Variants in ARHGEF4 observed in about 807,000 individuals in gnomAD.
The protein encoded by ARHGEF4 is Rho guanine nucleotide exchange factor 4.
Under a neutral mutation model 162.0 loss-of-function variants are expected in ARHGEF4, and 119 were observed. That is an observed-to-expected ratio of 0.73 (90% CI 0.63 to 0.86). ARHGEF4 has a LOEUF of 0.86. Among genes scored for constraint, ARHGEF4 ranks in the 40% least tolerant of loss-of-function variants. The pLI is 0.00. For synonymous variants in ARHGEF4, 1,014 were observed against 979.9 expected, an observed-to-expected ratio of 1.03 and a Z score of -0.65; for missense variants, 2,488 against 2,456.0, an observed-to-expected ratio of 1.01 and a Z score of -0.28.
chr2:130,848,233 G>A (rs554005105), intron 1 of ARHGEF4, among the ~76,000 whole-genome samples: 11 of 152,232 alleles, frequency 7.2e-5, no homozygotes, highest in East Asian at 5.8e-4. Flanking sequence ...GGCTGCTCCC[G>A]CCCACCCTGT....
At chr2:130,998,204 T>C (rs1022610048) in intron 4 of ARHGEF4, among the ~76,000 whole-genome samples, 1 of 152,234 alleles carries the variant, frequency 6.6e-6, no homozygotes, top group Non-Finnish European at 1.5e-5. Flanking sequence ...ATGTGTAAAA[T>C]TGTGCTATCA....
At chr2:130,991,251 C>T (rs990080503) in intron 4 of ARHGEF4, among the ~76,000 whole-genome samples, 2 of 152,232 alleles carry the variant, frequency 1.3e-5, no homozygotes, top group African/African-American at 2.4e-5. Flanking sequence ...CGAAAACCTG[C>T]TTATTAGCAG....
chr2:130,943,390 CTTAA>C (rs1338561621), intron 3 of ARHGEF4, among the ~76,000 whole-genome samples: 1 of 151,872 alleles, frequency 6.6e-6, no homozygotes, highest in Non-Finnish European at 1.5e-5. Flanking sequence ...ATGTTCTTTC[CTTAA>C]TTATTTTAAT....
intron 2 of ARHGEF4, among the ~76,000 whole-genome samples, chr2:130,924,251 C>T (rs1311894962): frequency 2.0e-5 from 3 of 149,388 alleles, no homozygotes; most frequent in Admixed American, 6.8e-5. Context: ...CACAGTTTCA[C>T]CTCCCACCTG....
intron 4 of ARHGEF4, among the ~76,000 whole-genome samples, chr2:131,025,103 A>G (rs1486367848): frequency 1.3e-5 from 2 of 152,138 alleles, no homozygotes; most frequent in African/African-American, 2.4e-5. Flanking sequence ...TTTATGAAGG[A>G]AAGAGGTTTA....
intron 4 of ARHGEF4, among the ~76,000 whole-genome samples, chr2:131,009,266 G>T (rs1688307082): frequency 6.6e-6 from 1 of 152,142 alleles, no homozygotes; most frequent in South Asian, 2.1e-4. Flanking sequence ...TGAGTTGACA[G>T]TTTTTTTCTT....
At chr2:131,044,002 C>CCCTCCTTGTA (rs1691031199) in intron 11 of ARHGEF4, among the ~76,000 whole-genome samples, 1 of 152,174 alleles carries the variant, frequency 6.6e-6, no homozygotes, top group Non-Finnish European at 1.5e-5. Flanking sequence ...TCCTTGTCCA[C>CCCTCCTTGTA]GGGTGATCTT....
intron 4 of ARHGEF4, among the ~76,000 whole-genome samples, chr2:131,005,339 C>T (rs1166256645): frequency 6.6e-6 from 1 of 152,140 alleles, no homozygotes; most frequent in Non-Finnish European, 1.5e-5. Flanking sequence ...GGTAAGCCCT[C>T]CCCGGTGAGC....
intron 4 of ARHGEF4, among the ~76,000 whole-genome samples, chr2:131,014,202 G>A (rs1340320886): frequency 6.6e-6 from 1 of 152,140 alleles, no homozygotes; most frequent in Non-Finnish European, 1.5e-5. Context: ...GGCTGGTTCT[G>A]TTCAGTGAAA....
At chr2:130,876,553 G>A (rs947324004) in intron 1 of ARHGEF4, among the ~76,000 whole-genome samples, 5 of 152,002 alleles carry the variant, frequency 3.3e-5, no homozygotes, top group African/African-American at 7.2e-5. Flanking sequence ...CAACATACTC[G>A]GCTAATTTTT....
intron 2 of ARHGEF4, among the ~76,000 whole-genome samples, chr2:130,928,755 C>A (rs1207345881): frequency 6.6e-6 from 1 of 152,168 alleles, no homozygotes; most frequent in East Asian, 1.9e-4. Flanking sequence ...ACCATCGTCT[C>A]ATCATTTCTT....
At chr2:130,988,901 TAGAGAGAG>T (rs368452142) in intron 4 of ARHGEF4, among the ~76,000 whole-genome samples, 394 of 113,312 alleles carry the variant, frequency 3.5e-3, no homozygotes, top group Middle Eastern at 0.015. Flanking sequence ...TATATATATA[TAGAGAGAG>T]AGAGAGAGAG....
chr2:130,872,223 C>T (rs1378204347), intron 1 of ARHGEF4, among the ~76,000 whole-genome samples: 7 of 152,236 alleles, frequency 4.6e-5, no homozygotes, highest in Non-Finnish European at 7.3e-5. Flanking sequence ...TATCAAAACA[C>T]AGGGCTCAAG....
Position 130,915,997 on chromosome 2 carries a change from C to G in ARHGEF4, c.2051C>G (p.Pro684Arg). 6.4e-7 allele frequency: 1 copy of G among 1,550,508 alleles called. No individual in the cohort carries two copies. Reference sequence around the variant, plus strand: ...GAGTCTCCCACTAGGGGGAAAACACCAGCCGGTAATGAGTGTGAGTTGCCA... The same window carrying G: ...GAGTCTCCCACTAGGGGGAAAACACGAGCCGGTAATGAGTGTGAGTTGCCA... The part of the protein sequence containing the change: ...PCESPTRGKT[P>R]AGNECELPAA... The change falls in exon 2 of 14, where the codon CCA becomes CGA. Residue 684 changes from proline to arginine, a missense_variant. This residue lies in a region of ARHGEF4 where 1,642 missense variants were observed against 1,481.5 expected (regional missense o/e 1.11). Transcript: ENST00000409359.
chr2:131,032,172 C>T (rs978319903), intron 5 of ARHGEF4, among the ~76,000 whole-genome samples: 13 of 151,914 alleles, frequency 8.6e-5, no homozygotes, highest in Admixed American at 1.3e-4. Context: ...AGGTGTCTGG[C>T]GCACTGATAG....
intron 3 of ARHGEF4, among the ~76,000 whole-genome samples, chr2:130,934,312 T>A (rs1288754733): frequency 1.3e-5 from 2 of 151,668 alleles, no homozygotes; most frequent in Non-Finnish European, 2.9e-5. Flanking sequence ...TCTGGTCTTA[T>A]AGAATGAGTT....
chr2:130,866,809 T>C (rs1450685606), intron 1 of ARHGEF4, among the ~76,000 whole-genome samples: 2 of 152,220 alleles, frequency 1.3e-5, no homozygotes, highest in Non-Finnish European at 2.9e-5. Context: ...CATCTGTGTT[T>C]ATGAGAGCAG....
At chr2:131,037,807 G>A (rs1308680605) in intron 5 of ARHGEF4, among the ~76,000 whole-genome samples, 1 of 152,154 alleles carries the variant, frequency 6.6e-6, no homozygotes, top group Non-Finnish European at 1.5e-5. Context: ...TGAGCAGAGA[G>A]AAGCATGTGA....
chr2:131,046,268 C>G lies in ARHGEF4; in HGVS notation c.*79C>G. The G allele has an allele frequency of 7.0e-7, 1 of 1,433,166 alleles. No individual in the cohort carries two copies. The highest frequency in any genetic ancestry group is 9.5e-7 in the Non-Finnish European group (1 of 1,055,566). 88.8% of individuals were successfully genotyped at this position (1,433,166 alleles called of 1,614,324 possible). On this transcript the variant is annotated 3_prime_UTR_variant, in exon 14 of 14. Transcript: ENST00000409359. ...TTTTCTTCCCCGAGGCCCACTCGGC[C>G]TGGCCTTCCTCTGCCTGCAAGTGAG... is the stretch of plus-strand genomic sequence containing the variant.
Sources: gnomAD v4.1 joint callset for allele counts (sites outside exome capture counted in the v4.1 genomes callset) on GRCh38, gnomAD v4.1.1 for gene constraint, gnomAD v4.1.1 regional missense constraint, MANE v1.5 for transcripts, NCBI Gene and HGNC (gene_info 2026-07-23, HGNC 2026-07-21) for gene names.